The following ROBO1 variants were observed in gnomAD, a reference collection of about 807,000 sequenced individuals.
The protein encoded by ROBO1 is roundabout homolog 1.
A neutral mutation model predicts 195.9 loss-of-function variants in ROBO1; 149 were observed. The observed-to-expected ratio is 0.76, with a 90% CI of 0.67 to 0.87. The LOEUF is 0.87. Among genes scored for constraint, ROBO1 ranks in the 40% least tolerant of loss-of-function variants. The probability of loss-of-function intolerance (pLI) is 0.00; values close to 1 mark genes in which losing one functional copy is unlikely to be tolerated. For synonymous variants in ROBO1, 816 were observed against 733.2 expected (o/e 1.11, Z -1.82); for missense variants, 1,933 against 2,068.3 (o/e 0.93, Z 1.27).
At chr3:79,716,776 A>G (rs1443208850) in intron 1 of ROBO1, among the ~76,000 whole-genome samples, 1 of 151,992 alleles carries the variant, frequency 6.6e-6, no homozygotes, top group African/African-American at 2.4e-5. Flanking sequence ...CAGCATGCCA[A>G]TATAAGGACT....
chr3:79,715,985 A>T (rs1702466014), intron 1 of ROBO1, among the ~76,000 whole-genome samples: 1 of 152,096 alleles, frequency 6.6e-6, no homozygotes, highest in African/African-American at 2.4e-5. Context: ...CCTTTTGAGT[A>T]AAATAGAATG....
intron 3 of ROBO1, among the ~76,000 whole-genome samples, chr3:78,953,277 C>T (rs887264601): frequency 5.3e-5 from 8 of 151,978 alleles, no homozygotes; most frequent in Admixed American, 2.0e-4. Context: ...TTGAAGCTGG[C>T]TAGCTGAGTT....
At chr3:79,636,307 A>T (rs183467545) in intron 1 of ROBO1, among the ~76,000 whole-genome samples, 1 of 152,182 alleles carries the variant, frequency 6.6e-6, no homozygotes, top group Non-Finnish European at 1.5e-5. Context: ...AAATTTATTC[A>T]TAAGTGTATA....
intron 10 of ROBO1, among the ~76,000 whole-genome samples, chr3:78,681,918 CA>C (rs2080923637): frequency 6.6e-6 from 1 of 152,008 alleles, no homozygotes; most frequent in Non-Finnish European, 1.5e-5. Flanking sequence ...AGAAGCATGG[CA>C]AGCACAATGA....
chr3:79,756,983 T>C lies in ROBO1; in HGVS notation c.-51+10769A>G, dbSNP rs547648070. 2.0e-4 allele frequency among the ~76,000 whole-genome samples: 30 copies of C among 152,348 alleles called. 1 individual carries two copies. The Middle Eastern group carries it at 0.014, about 69-fold the overall frequency. On this transcript the variant is annotated intron_variant, in intron 1 of 30. Transcript: ENST00000464233. ...TCACCCACATTGTAGTTGTAGTGTGTATCAGAATTTCATTTCTTTTTATGG... is the reference window on the plus strand; with the variant it reads ...TCACCCACATTGTAGTTGTAGTGTGCATCAGAATTTCATTTCTTTTTATGG...
At chr3:78,717,511 A>G in intron 6 of ROBO1, 98 bp from the exon 7 acceptor site, 1 of 1,148,446 alleles carries the variant, frequency 8.7e-7, no homozygotes, top group East Asian at 2.4e-5. Context: ...AATTTAAAAT[A>G]TCAGCGAGGA....
chr3:78,633,374 G>A (rs1705296366), intron 24 of ROBO1, among the ~76,000 whole-genome samples: 1 of 152,154 alleles, frequency 6.6e-6, no homozygotes, highest in African/African-American at 2.4e-5. Context: ...CAGGGAAGAG[G>A]CCTCAATGTG....
At chr3:78,946,262 C>T (rs933894744) in intron 3 of ROBO1, among the ~76,000 whole-genome samples, 1 of 152,118 alleles carries the variant, frequency 6.6e-6, no homozygotes, top group Admixed American at 6.5e-5. Flanking sequence ...ATGTTAAGGG[C>T]AGCCAGGGAG....
intron 3 of ROBO1, among the ~76,000 whole-genome samples, chr3:78,951,170 A>G (rs1437355571): frequency 1.3e-5 from 2 of 151,888 alleles, no homozygotes; most frequent in African/African-American, 4.8e-5. Flanking sequence ...TATAAATCTC[A>G]TAAGAGTACG....
intron 2 of ROBO1, among the ~76,000 whole-genome samples, chr3:79,405,077 A>G (rs1333395381): frequency 6.6e-6 from 1 of 152,134 alleles, no homozygotes; most frequent in Non-Finnish European, 1.5e-5. Context: ...TAATTTACAA[A>G]TATTCATGAT....
chr3:79,550,308 A>G (rs1412253041), intron 2 of ROBO1, among the ~76,000 whole-genome samples: 2 of 151,878 alleles, frequency 1.3e-5, no homozygotes, highest in Admixed American at 1.3e-4. Context: ...AAGAAGCACT[A>G]CTCCTCAATT....
At chr3:78,731,664 G>A (rs2082289885) in intron 5 of ROBO1, among the ~76,000 whole-genome samples, 1 of 152,012 alleles carries the variant, frequency 6.6e-6, no homozygotes, top group African/African-American at 2.4e-5. Flanking sequence ...AAATTTATGT[G>A]AAAAGCACAC....
At chr3:79,042,835 T>C (rs971045415) in intron 3 of ROBO1, among the ~76,000 whole-genome samples, 1 of 152,160 alleles carries the variant, frequency 6.6e-6, no homozygotes, top group African/African-American at 2.4e-5. Flanking sequence ...TAAAATTCTA[T>C]AATAAAATCT....
At chr3:79,656,403 G>T (rs187057313) in intron 1 of ROBO1, among the ~76,000 whole-genome samples, 1 of 151,832 alleles carries the variant, frequency 6.6e-6, no homozygotes, top group East Asian at 1.9e-4. Flanking sequence ...TTAGGAGGGC[G>T]AACCATTCTT....
Position 78,667,944 on chromosome 3 carries a change from C to T in ROBO1, c.1905G>A (p.Arg635=), listed in dbSNP as rs371446451. ...KPNAIYLFLV[R]AANAYGISDP... is the part of the protein sequence containing the mutation. ...CACTAATTCCATATGCATTAGCTGC[C>T]CTCACAAGGAAAAGGTAAATTGCAT... is the stretch of plus-strand genomic sequence containing the variant. The change falls in exon 14 of 31, where the codon AGG becomes AGA. Residue 635 remains arginine (R), a synonymous_variant. Coordinates refer to ENST00000464233, the MANE Select transcript of ROBO1 (RefSeq NM_002941.4). 73 of 1,613,560 alleles carry T rather than the reference C, an allele frequency of 4.5e-5. No individual in the cohort carries two copies. The Middle Eastern group carries it at 9.9e-4, about 22-fold the overall frequency.
chr3:78,997,470 T>C (rs1317434391), intron 3 of ROBO1, among the ~76,000 whole-genome samples: 7 of 152,284 alleles, frequency 4.6e-5, no homozygotes, highest in East Asian at 3.9e-4. Flanking sequence ...TTCACTCTTC[T>C]GTGCTTCACA....
chr3:79,183,673 C>G (rs1014380956), intron 2 of ROBO1, among the ~76,000 whole-genome samples: 1 of 152,166 alleles, frequency 6.6e-6, no homozygotes, highest in Non-Finnish European at 1.5e-5. Flanking sequence ...CAAGAAAGGA[C>G]CTGCTTAAGG....
chr3:79,536,176 A>G (rs1253834364), intron 2 of ROBO1, among the ~76,000 whole-genome samples: 1 of 152,118 alleles, frequency 6.6e-6, no homozygotes, highest in Non-Finnish European at 1.5e-5. Flanking sequence ...TTCAGACTAT[A>G]TATATACATA....
chr3:79,321,396 A>G (rs571536263), intron 2 of ROBO1, among the ~76,000 whole-genome samples: 8 of 152,316 alleles, frequency 5.3e-5, no homozygotes, highest in Admixed American at 1.3e-4. Flanking sequence ...TATACATGCT[A>G]TCTTTTGTGC....
Sources: allele counts gnomAD v4.1 joint callset (sites outside exome capture counted in the v4.1 genomes callset), GRCh38; gene constraint gnomAD v4.1.1; transcripts MANE v1.5; gene names NCBI Gene and HGNC (gene_info 2026-07-23, HGNC 2026-07-21).